WWOX: variants seen among roughly 807,000 people sequenced by gnomAD.
The protein encoded by WWOX is WW domain containing oxidoreductase.
In WWOX, 69 loss-of-function variants were observed where a neutral mutation model predicts 46.2. The ratio of observed to expected loss-of-function variants is 1.49; its 90% CI spans 1.23 to 1.82. WWOX has a LOEUF of 1.82. WWOX is among the 40% of genes most tolerant of loss of function. The pLI is 0.00. For missense variants in WWOX, 919 were observed against 542.6 expected (o/e 1.69, Z -6.89); for synonymous variants, 359 against 202.6 (o/e 1.77, Z -6.56).
At chr16:78,105,421 T>C (rs928161517) in intron 1 of WWOX, among the ~76,000 whole-genome samples, 4 of 150,442 alleles carry the variant, frequency 2.7e-5, no homozygotes, top group Admixed American at 2.0e-4. Context: ...ATTGCACCAC[T>C]GTACTGCAGC....
chr16:78,376,072 A>G (rs138004125), intron 5 of WWOX, among the ~76,000 whole-genome samples: 1 of 151,894 alleles, frequency 6.6e-6, no homozygotes, highest in African/African-American at 2.4e-5. Flanking sequence ...CTGTTCTCGA[A>G]CTCCTGACCT....
chr16:78,480,578 C>G (rs1300048790), intron 8 of WWOX, among the ~76,000 whole-genome samples: 2 of 152,212 alleles, frequency 1.3e-5, no homozygotes, highest in African/African-American at 2.4e-5. Flanking sequence ...TCAGTAGCCA[C>G]TTTCAGGGTC....
intron 8 of WWOX, among the ~76,000 whole-genome samples, chr16:78,990,938 A>G (rs2046875640): frequency 1.3e-5 from 2 of 152,248 alleles, no homozygotes; most frequent in Non-Finnish European, 2.9e-5. Context: ...CTGAGAAAGA[A>G]GAACCGACCT....
At chr16:78,551,026 C>G (rs963395362) in intron 8 of WWOX, 1 of 152,008 alleles carries the variant, frequency 6.6e-6, no homozygotes, top group Non-Finnish European at 1.5e-5. Flanking sequence ...AAACAAATAC[C>G]TAATATATTC....
At chr16:78,964,349 G>A (rs556719813) in intron 8 of WWOX, among the ~76,000 whole-genome samples, 1 of 152,282 alleles carries the variant, frequency 6.6e-6, no homozygotes, top group Admixed American at 6.5e-5. Context: ...GTCTCAGATG[G>A]AGATGAGGAG....
chr16:79,159,590 G>A (rs976814229), intron 8 of WWOX, among the ~76,000 whole-genome samples: 1 of 152,296 alleles, frequency 6.6e-6, no homozygotes, highest in East Asian at 1.9e-4. Flanking sequence ...GTTACAAAGA[G>A]GAGGCTCAGG....
At chr16:78,469,528 A>G (rs1393606473) in intron 8 of WWOX, among the ~76,000 whole-genome samples, 1 of 152,188 alleles carries the variant, frequency 6.6e-6, no homozygotes. Context: ...TAAACTAGAC[A>G]TTCCCTGGAA....
intron 8 of WWOX, among the ~76,000 whole-genome samples, chr16:78,638,753 C>T (rs1005004231): frequency 2.6e-5 from 4 of 152,144 alleles, no homozygotes; most frequent in Non-Finnish European, 5.9e-5. Context: ...TGCTCTCTCT[C>T]TCTGGGTTGG....
At chr16:78,399,093 G>A (rs1302934520) in intron 6 of WWOX, among the ~76,000 whole-genome samples, 2 of 151,700 alleles carry the variant, frequency 1.3e-5, no homozygotes, top group Admixed American at 6.6e-5. Flanking sequence ...ATGGATGGAA[G>A]GGGTGGAAGG....
chr16:79,148,527 G>C (rs1189774050), intron 8 of WWOX, among the ~76,000 whole-genome samples: 1 of 152,028 alleles, frequency 6.6e-6, no homozygotes, highest in East Asian at 1.9e-4. Context: ...TTTTTATTAA[G>C]ATTATTTTAG....
At chr16:78,970,303 C>A (rs1175572855) in intron 8 of WWOX, among the ~76,000 whole-genome samples, 1 of 152,190 alleles carries the variant, frequency 6.6e-6, no homozygotes, top group Non-Finnish European at 1.5e-5. Flanking sequence ...TCTGCCCTTC[C>A]CCACTACAGT....
At chr16:79,202,179 G>T (rs1166745952) in intron 8 of WWOX, among the ~76,000 whole-genome samples, 1 of 152,166 alleles carries the variant, frequency 6.6e-6, no homozygotes, top group South Asian at 2.1e-4. Context: ...ATGGGCCACA[G>T]AGCCTAAATT....
Position 79,104,819 on chromosome 16 carries a change from G to T in WWOX, c.1057-106789G>T, listed in dbSNP as rs974730377. On this transcript the variant is annotated intron_variant, in intron 8 of 8. Coordinates refer to ENST00000566780, the MANE Select transcript of WWOX (RefSeq NM_016373.4). ...ATTCATTAAGAGATTTCAGGACGTT[G>T]AAATACTGTGCGTACTTGCAATCCC... Among the ~76,000 whole-genome samples, 7 of 152,242 alleles carry T rather than the reference G, an allele frequency of 4.6e-5. 1 individual carries two copies. The East Asian group carries it at 1.2e-3, about 25-fold the overall frequency.
chr16:79,176,344 C>A (rs2050800100), intron 8 of WWOX, among the ~76,000 whole-genome samples: 1 of 152,174 alleles, frequency 6.6e-6, no homozygotes, highest in African/African-American at 2.4e-5. Context: ...GTATTTCTTA[C>A]CAGCCTTAAC....
rs60074156 is a variant in WWOX at position 79,074,409 on chromosome 16, C to CTTTTTTTTTTTTTTTTTTTTTT, written c.1057-137187_1057-137166dup. Among the ~76,000 whole-genome samples the CTTTTTTTTTTTTTTTTTTTTTT allele has an allele frequency of 9.0e-4, 28 of 30,992 alleles. 4 individuals are homozygous for CTTTTTTTTTTTTTTTTTTTTTT. Among genetic ancestry groups the CTTTTTTTTTTTTTTTTTTTTTT allele is most frequent in the East Asian group, 6.9e-3 (5 of 726 alleles). 20.3% of individuals were successfully genotyped at this position (30,992 alleles called of 152,430 possible). On this transcript the variant is annotated intron_variant, in intron 8 of 8. Coordinates refer to ENST00000566780, the MANE Select transcript of WWOX (RefSeq NM_016373.4). ...CATCCTGACTGAAATGTCACTAGTC[C>CTTTTTTTTTTTTTTTTTTTTTT]TTTTTTTTTTTTTTTTTTTTTTTTT...
At chr16:78,900,727 AAAC>A (rs747666665) in intron 8 of WWOX, among the ~76,000 whole-genome samples, 1 of 152,234 alleles carries the variant, frequency 6.6e-6, no homozygotes, top group Non-Finnish European at 1.5e-5. Context: ...GAATCATAAA[AAAC>A]AATTCTACTA....
intron 8 of WWOX, among the ~76,000 whole-genome samples, chr16:78,830,085 G>C (rs1207168954): frequency 6.6e-6 from 1 of 151,820 alleles, no homozygotes; most frequent in Non-Finnish European, 1.5e-5. Context: ...TAGTAACATA[G>C]GGAGACCCTC....
chr16:78,946,584 C>T (rs770630765), intron 8 of WWOX, among the ~76,000 whole-genome samples: 46 of 152,194 alleles, frequency 3.0e-4, no homozygotes, highest in Non-Finnish European at 5.1e-4. Flanking sequence ...GAAGAAACAT[C>T]AGAGTTCACC....
intron 1 of WWOX, among the ~76,000 whole-genome samples, chr16:78,105,231 G>A (rs986901624): frequency 1.3e-5 from 2 of 152,310 alleles, no homozygotes; most frequent in African/African-American, 4.8e-5. Flanking sequence ...GGAGGCCGAG[G>A]CAGGTGGATC....
Sources: allele counts gnomAD v4.1 joint callset (sites outside exome capture counted in the v4.1 genomes callset), GRCh38; gene constraint gnomAD v4.1.1; transcripts MANE v1.5; gene names NCBI Gene and HGNC (gene_info 2026-07-23, HGNC 2026-07-21).